Variants in FAM135B observed in about 807,000 individuals in gnomAD.
The protein encoded by FAM135B is protein FAM135B.
In FAM135B, 43 loss-of-function variants were observed where a neutral mutation model predicts 127.7. The observed-to-expected ratio is 0.34, with a 90% CI of 0.26 to 0.43. The LOEUF (loss-of-function observed/expected upper bound fraction) is 0.43. Ranked by LOEUF, FAM135B falls within the 20% of genes least tolerant of loss-of-function variation. The pLI is 1.00. For missense variants in FAM135B, 1,558 were observed against 1,725.6 expected (o/e 0.90, Z 1.72); for synonymous variants, 670 against 665.1 (o/e 1.01, Z -0.11).
chr8:138,281,806 T>A (rs1020923002), intron 3 of FAM135B, among the ~76,000 whole-genome samples: 4 of 152,174 alleles, frequency 2.6e-5, no homozygotes, highest in Admixed American at 6.6e-5. Flanking sequence ...TCTTCCTTTT[T>A]AAAAAATTTT....
rs1554694340 is a variant in FAM135B at position 138,442,267 on chromosome 8, T to TATAC, written c.-20+54403_-20+54404insGTAT. On this transcript the variant is annotated intron_variant, in intron 1 of 19. Transcript: ENST00000395297. Reference sequence around the variant, plus strand: ...ATATATATATATATATATATATATATATATATATATGAAAAACCTTGGCAG... The same window carrying TATAC: ...ATATATATATATATATATATATATATATACATATATATATGAAAAACCTTGGCAG... 2.2e-3 allele frequency among the ~76,000 whole-genome samples: 190 copies of TATAC among 86,750 alleles called. 18 individuals are homozygous for TATAC. The highest frequency in any genetic ancestry group is 5.2e-3 in the African/African-American group (116 of 22,398). 56.9% of individuals were successfully genotyped at this position (86,750 alleles called of 152,430 possible).
intron 2 of FAM135B, among the ~76,000 whole-genome samples, chr8:138,362,469 G>A (rs769913251): frequency 2.0e-5 from 3 of 152,060 alleles, no homozygotes; most frequent in Non-Finnish European, 4.4e-5. Context: ...ACTTATAGCT[G>A]TTTCCACAAC....
chr8:138,209,985 T>C lies in FAM135B; in HGVS notation c.670-12316A>G, dbSNP rs1586782258. Among the ~76,000 whole-genome samples, 4 of 152,190 alleles carry C rather than the reference T, an allele frequency of 2.6e-5. No individual in the cohort carries two copies. In the East Asian group the frequency reaches 5.8e-4, roughly 22 times the overall value. ...GGCAAGACAATGAGAAAAGAGATAA[T>C]GAAAATAGCAAGAGTAAGAAGAAAT... On this transcript the variant is annotated intron_variant, in intron 7 of 19. Coordinates refer to ENST00000395297, the MANE Select transcript of FAM135B (RefSeq NM_015912.4).
chr8:138,298,466 G>C (rs1825631854), intron 3 of FAM135B, among the ~76,000 whole-genome samples: 1 of 152,174 alleles, frequency 6.6e-6, no homozygotes, highest in Non-Finnish European at 1.5e-5. Context: ...ATCACCAAGT[G>C]CCAGACAAAA....
intron 16 of FAM135B, among the ~76,000 whole-genome samples, chr8:138,142,044 T>C (rs1223071488): frequency 6.6e-6 from 1 of 151,540 alleles, no homozygotes; most frequent in Non-Finnish European, 1.5e-5. Context: ...TCTTTTATTC[T>C]TTTTTTTAAA....
chr8:138,386,819 C>T (rs1421909064), intron 1 of FAM135B, among the ~76,000 whole-genome samples: 1 of 152,150 alleles, frequency 6.6e-6, no homozygotes, highest in Non-Finnish European at 1.5e-5. Flanking sequence ...TAATGAAAGG[C>T]CAAGCATGTG....
chr8:138,223,717 T>C (rs77111245), intron 7 of FAM135B, among the ~76,000 whole-genome samples: 32,707 of 152,124 alleles, frequency 0.22, 4,050 homozygotes, highest in African/African-American at 0.33. Flanking sequence ...GCACTAGTAT[T>C]GCAGAAATGT....
At chr8:138,418,173 C>T (rs1834273185) in intron 1 of FAM135B, among the ~76,000 whole-genome samples, 1 of 152,040 alleles carries the variant, frequency 6.6e-6, no homozygotes, top group African/African-American at 2.4e-5. Flanking sequence ...GTATTAACAG[C>T]AGAATATACA....
chr8:138,213,354 ATTCT>A (rs1818286908), intron 7 of FAM135B, among the ~76,000 whole-genome samples: 1 of 152,144 alleles, frequency 6.6e-6, no homozygotes, highest in Admixed American at 6.6e-5. Context: ...ATTAGTGTTA[ATTCT>A]TTCTATTAAT....
At chr8:138,339,357 A>AT in intron 2 of FAM135B, among the ~76,000 whole-genome samples, 1 of 11,420 alleles carries the variant, frequency 8.8e-5, no homozygotes, top group African/African-American at 2.2e-4. Flanking sequence ...AAAACTAACT[A>AT]AATATATATA....
chr8:138,139,471 C>T (rs1476725481), intron 17 of FAM135B, among the ~76,000 whole-genome samples: 1 of 152,220 alleles, frequency 6.6e-6, no homozygotes, highest in Non-Finnish European at 1.5e-5. Context: ...ATAAATGTCT[C>T]ACTTCACAAC....
At chr8:138,296,353 G>C (rs1205796909) in intron 3 of FAM135B, among the ~76,000 whole-genome samples, 1 of 152,178 alleles carries the variant, frequency 6.6e-6, no homozygotes, top group African/African-American at 2.4e-5. Flanking sequence ...ATTAACATCA[G>C]TTCAGATCTT....
chr8:138,398,305 G>A (rs1274599289), intron 1 of FAM135B, among the ~76,000 whole-genome samples: 1 of 152,234 alleles, frequency 6.6e-6, no homozygotes, highest in African/African-American at 2.4e-5. Flanking sequence ...AGGAGGCAGT[G>A]ACTGGATTTT....
intron 1 of FAM135B, among the ~76,000 whole-genome samples, chr8:138,378,036 G>T (rs551786747): frequency 9.9e-5 from 15 of 152,266 alleles, no homozygotes; most frequent in African/African-American, 2.6e-4. Flanking sequence ...ATCCACATTT[G>T]ACTCCCAATC....
intron 3 of FAM135B, among the ~76,000 whole-genome samples, chr8:138,281,208 A>C (rs1824240226): frequency 6.6e-6 from 1 of 152,084 alleles, no homozygotes; most frequent in South Asian, 2.1e-4. Flanking sequence ...TGTTTCAACT[A>C]TTTTTCCTAT....
intron 1 of FAM135B, among the ~76,000 whole-genome samples, chr8:138,417,349 C>T (rs375091681): frequency 6.6e-6 from 1 of 152,178 alleles, no homozygotes; most frequent in Non-Finnish European, 1.5e-5. Flanking sequence ...GGCAGACCTG[C>T]CTAAAGCTGG....
intron 7 of FAM135B, among the ~76,000 whole-genome samples, chr8:138,213,613 G>C (rs576580946): frequency 2.2e-4 from 34 of 151,956 alleles, no homozygotes; most frequent in African/African-American, 8.0e-4. Context: ...TTAAGGATCA[G>C]ATGTGGAGAA....
intron 1 of FAM135B, among the ~76,000 whole-genome samples, chr8:138,424,122 G>A (rs1021066972): frequency 7.9e-5 from 12 of 151,980 alleles, no homozygotes; most frequent in African/African-American, 2.4e-4. Flanking sequence ...TGCAGTTAAC[G>A]CAATCATCAC....
chr8:138,361,083 G>T (rs1330996431), intron 2 of FAM135B, among the ~76,000 whole-genome samples: 1 of 152,090 alleles, frequency 6.6e-6, no homozygotes, highest in Non-Finnish European at 1.5e-5. Context: ...ATGCCACCAT[G>T]TCCAGCTAAT....
Sources: gnomAD v4.1 joint callset for allele counts (sites outside exome capture counted in the v4.1 genomes callset) on GRCh38, gnomAD v4.1.1 for gene constraint, MANE v1.5 for transcripts, NCBI Gene and HGNC (gene_info 2026-07-23, HGNC 2026-07-21) for gene names.